The following ZBTB17 variants were observed in gnomAD, a reference collection of about 807,000 sequenced individuals.
ZBTB17 encodes the protein zinc finger and BTB domain containing 17.
In ZBTB17, 24 loss-of-function variants were observed where a neutral mutation model predicts 85.1. That is an observed-to-expected ratio of 0.28 (90% confidence interval 0.20 to 0.40). The LOEUF is 0.40. Ranked by LOEUF, ZBTB17 falls within the 10% of genes least tolerant of loss-of-function variation. The probability of loss-of-function intolerance (pLI) is 1.00; values close to 1 mark genes in which losing one functional copy is unlikely to be tolerated. For synonymous variants in ZBTB17, 464 were observed against 460.2 expected (o/e 1.01, Z -0.11); for missense variants, 743 against 1,105.1 (o/e 0.67, Z 4.65).
chr1:15,959,516 GGAGGGAGGGAGGGAGGAAGGGAGGGAGGA>G (rs1368751270), intron 2 of ZBTB17, among the ~76,000 whole-genome samples: 5 of 137,980 alleles, frequency 3.6e-5, no homozygotes, highest in South Asian at 2.5e-4. Flanking sequence ...GGAGAGGGAG[GGAGGGAGGGAGGGAGGAAGGGAGGGAGGA>G]GAGGGAGGGA....
chr1:15,968,645 T>C (rs1169089753), intron 2 of ZBTB17, among the ~76,000 whole-genome samples: 1 of 152,196 alleles, frequency 6.6e-6, no homozygotes, highest in Non-Finnish European at 1.5e-5. Flanking sequence ...AAACACCCCT[T>C]ACCAGATCTC....
At position 15,945,014 on chromosome 1, in the gene ZBTB17, C is replaced by T; in HGVS notation, c.850G>A (p.Ala284Thr). The change falls in exon 7 of 16, where the codon GCC (alanine) becomes ACC (threonine). Residue 284 changes from alanine to threonine, a missense_variant. Physicochemically the swap from Ala to Thr is moderately conservative, Grantham distance 58. Transcript: ENST00000375743. ...TDSGQELGSE[A>T]RGLRSGTYGD... ...TAGGTGCCTGAGCGCAGGCCCCGGG[C>T]CTCGGAGCCGAGCTCCTGCCCCGAG... The T allele has an allele frequency of 6.2e-7, 1 of 1,600,238 alleles. No homozygotes were observed. Among genetic ancestry groups the T allele is most frequent in the South Asian group, 1.1e-5 (1 of 88,866 alleles).
chr1:15,975,957 G>A (rs2072866132), intron 1 of ZBTB17, 26 bp downstream of exon 1: 1 of 697,564 alleles, frequency 1.4e-6, no homozygotes. Context: ...GGACTTCCCC[G>A]GCCCCGGGCG....
chr1:15,944,625 G>A (rs2071511647), intron 8 of ZBTB17, 25 bp from the exon 9 acceptor site: 6 of 1,600,072 alleles, frequency 3.7e-6, no homozygotes, highest in Non-Finnish European at 5.1e-6. Flanking sequence ...GGCGACAGGA[G>A]GCAGGGCTCG....
At chr1:15,975,847 C>T (rs1557803997) in intron 1 of ZBTB17, 136 bp downstream of exon 1, 5 of 580,918 alleles carry the variant, frequency 8.6e-6, no homozygotes, top group Non-Finnish European at 1.6e-5. Flanking sequence ...GTCCCCTCAG[C>T]CCCGGTTGGC....
At chr1:15,947,640 C>T (rs1292116425) in intron 3 of ZBTB17, among the ~76,000 whole-genome samples, 1 of 152,124 alleles carries the variant, frequency 6.6e-6, no homozygotes, top group Admixed American at 6.5e-5. Context: ...GAACACCTGC[C>T]CTCCACACCC....
At position 15,973,298 on chromosome 1, in the gene ZBTB17, T is replaced by A. The variant is rs930556741; in HGVS notation, c.-89-173A>T. Among the ~76,000 whole-genome samples, 3 of 152,204 alleles carry A rather than the reference T, an allele frequency of 2.0e-5. No individual in the cohort carries two copies. The highest frequency in any genetic ancestry group is 7.2e-5 in the African/African-American group (3 of 41,452). Reference sequence around the variant, plus strand: ...GCCTGCTCTGTGCCAGATAGCATGCTGACACTGGGACACAAAGATGCACAG... The same window carrying A: ...GCCTGCTCTGTGCCAGATAGCATGCAGACACTGGGACACAAAGATGCACAG... On this transcript the variant is annotated intron_variant, in intron 1 of 15. Coordinates refer to ENST00000375743, the MANE Select transcript of ZBTB17 (RefSeq NM_003443.3). The surrounding 1 kb of genome is among the most constrained non-coding windows in gnomAD (Gnocchi z 4.1).
At chr1:15,958,644 T>TCTGAGCC (rs1350547026) in intron 2 of ZBTB17, among the ~76,000 whole-genome samples, 1 of 152,010 alleles carries the variant, frequency 6.6e-6, no homozygotes, top group Non-Finnish European at 1.5e-5. Context: ...TAAGGCTGGG[T>TCTGAGCC]CTGAGCCCCA....
At position 15,966,936 on chromosome 1, in the gene ZBTB17, A is replaced by T. The variant is rs1212816680; in HGVS notation, c.-3+6103T>A. 6.7e-6 allele frequency among the ~76,000 whole-genome samples: 1 copy of T among 149,810 alleles called. No homozygotes were observed. Among genetic ancestry groups the T allele is most frequent in the East Asian group, 1.9e-4 (1 of 5,196 alleles). On this transcript the variant is annotated intron_variant, in intron 2 of 15. Coordinates refer to ENST00000375743, the MANE Select transcript of ZBTB17 (RefSeq NM_003443.3). The surrounding 1 kb of genome is among the most constrained non-coding windows in gnomAD (Gnocchi z 4.1). ...AATTAAATTAATTAATTAATTAATT[A>T]AAAAACAAAAAAAAAAGCCGTGGCC... is the stretch of plus-strand genomic sequence containing the variant.
chr1:15,971,402 A>G (rs1238519828), intron 2 of ZBTB17, among the ~76,000 whole-genome samples: 2 of 144,970 alleles, frequency 1.4e-5, no homozygotes, highest in African/African-American at 5.2e-5. Context: ...TACACACTAT[A>G]TATATACACA....
rs1331921459 is a variant in ZBTB17, at chr1:15,945,756, G to A, written c.620C>T (p.Ala207Val). ...GGACAAAGCGGCCTCAGCTTCTGCA[G>A]CAGCCATGCCACTCGTGGGGTCTGG... Reference protein sequence around the residue: ...LKPDPTSGMAAAEAEAALSES... With the variant: ...LKPDPTSGMAVAEAEAALSES... Residue 207 changes from alanine (A) to valine (V), a missense_variant, in exon 6 of 16, where the codon GCT (alanine) becomes GTT (valine). By Grantham distance (64) the Ala-to-Val change is moderately conservative (BLOSUM62 0). Coordinates refer to ENST00000375743, the MANE Select transcript of ZBTB17 (RefSeq NM_003443.3). 1 of 1,606,360 alleles carries A rather than the reference G, an allele frequency of 6.2e-7. No homozygotes were observed. The highest frequency in any genetic ancestry group is 8.5e-7 in the Non-Finnish European group (1 of 1,179,800).
Position 15,976,095 on chromosome 1 carries a change from C to T in ZBTB17, c.-202G>A. The stretch of plus-strand genomic sequence containing the variant: ...CCGCCATGTTAGAGTCGGGCGGAAC[C>T]GACCTCGCAGGCTTCCCGGCTGCAA... On this transcript the variant is annotated 5_prime_UTR_variant, in exon 1 of 16. Transcript: ENST00000375743. 1 of 677,660 alleles carries T rather than the reference C, an allele frequency of 1.5e-6. No homozygotes were observed. The highest frequency in any genetic ancestry group is 1.5e-5 in the South Asian group (1 of 65,262). 42.0% of individuals were successfully genotyped at this position (677,660 alleles called of 1,614,324 possible).
chr1:15,942,960 G>A, intron 13 of ZBTB17, 104 bp downstream of exon 13: 1 of 1,518,520 alleles, frequency 6.6e-7, no homozygotes, highest in Non-Finnish European at 8.9e-7. Context: ...TGCAGCAAGA[G>A]CTAGCACCCG....
chr1:15,946,703 T>C (rs945584295), intron 4 of ZBTB17, among the ~76,000 whole-genome samples: 2 of 151,992 alleles, frequency 1.3e-5, no homozygotes, highest in African/African-American at 4.8e-5. Context: ...CGCAGGAGGG[T>C]TTAGGAGCCT....
At chr1:15,961,300 T>C (rs1195147320) in intron 2 of ZBTB17, among the ~76,000 whole-genome samples, 3 of 152,230 alleles carry the variant, frequency 2.0e-5, no homozygotes, top group Non-Finnish European at 4.4e-5. Context: ...TTTCCAACTA[T>C]GAACATTAAC....
chr1:15,958,906 T>G (rs929975984), intron 2 of ZBTB17, among the ~76,000 whole-genome samples: 12 of 152,126 alleles, frequency 7.9e-5, no homozygotes, highest in Non-Finnish European at 1.5e-4. Context: ...GGCTAGGCAC[T>G]TGGGCTGGGA....
intron 2 of ZBTB17, among the ~76,000 whole-genome samples, chr1:15,969,448 G>C (rs1270280723): frequency 6.6e-6 from 1 of 152,012 alleles, no homozygotes; most frequent in East Asian, 1.9e-4. Flanking sequence ...ACCGGTCCCT[G>C]GTGCCAAAAA....
Position 15,976,096 on chromosome 1 carries a change from G to A in ZBTB17, c.-203C>T. 2 of 675,746 alleles carry A rather than the reference G, an allele frequency of 3.0e-6. No homozygotes were observed. Among genetic ancestry groups the A allele is most frequent in the Non-Finnish European group, 5.4e-6 (2 of 370,050 alleles). 41.9% of individuals were successfully genotyped at this position (675,746 alleles called of 1,614,324 possible). ...CGCCATGTTAGAGTCGGGCGGAACC[G>A]ACCTCGCAGGCTTCCCGGCTGCAAC... On this transcript the variant is annotated 5_prime_UTR_variant, in exon 1 of 16. Transcript: ENST00000375743.
chr1:15,954,893 G>A (rs555750791), intron 2 of ZBTB17, among the ~76,000 whole-genome samples: 192 of 151,556 alleles, frequency 1.3e-3, no homozygotes, highest in Middle Eastern at 6.8e-3. Context: ...GGTGGCTCAC[G>A]CCTATAATCC....
Sources: gnomAD v4.1 joint callset for allele counts (sites outside exome capture counted in the v4.1 genomes callset) on GRCh38, gnomAD v4.1.1 for gene constraint, Gnocchi (gnomAD v3.1) non-coding constraint, MANE v1.5 for transcripts, NCBI Gene and HGNC (gene_info 2026-07-23, HGNC 2026-07-21) for gene names.